Variants in DAB1 observed in about 807,000 individuals in gnomAD.
DAB1 encodes disabled homolog 1.
In DAB1, 15 loss-of-function variants were observed where a neutral mutation model predicts 64.6. The ratio of observed to expected loss-of-function variants is 0.23; its 90% CI spans 0.16 to 0.36. DAB1 has a LOEUF of 0.36. DAB1 is among the 10% of genes least tolerant of loss of function. The pLI is 1.00. For synonymous variants in DAB1, 235 were observed against 251.9 expected (o/e 0.93, Z 0.64); for missense variants, 596 against 706.7 (o/e 0.84, Z 1.78).
chr1:58,367,445 T>G (rs1644227206), intron 3 of DAB1, among the ~76,000 whole-genome samples: 1 of 152,190 alleles, frequency 6.6e-6, no homozygotes, highest in Non-Finnish European at 1.5e-5. Flanking sequence ...TGTATCTATA[T>G]GACAGAGGAG....
At chr1:57,446,269 T>C (rs1383935156) in intron 7 of DAB1, among the ~76,000 whole-genome samples, 6 of 152,238 alleles carry the variant, frequency 3.9e-5, no homozygotes, top group African/African-American at 1.4e-4. Flanking sequence ...TGATGATTGC[T>C]AGAATTTGGC....
chr1:57,777,675 T>G (rs924575484), intron 6 of DAB1, among the ~76,000 whole-genome samples: 1 of 152,082 alleles, frequency 6.6e-6, no homozygotes, highest in African/African-American at 2.4e-5. Flanking sequence ...TCAGTTTCCT[T>G]TAAGTCTATG....
intron 5 of DAB1, among the ~76,000 whole-genome samples, chr1:58,141,015 C>T (rs2100714644): frequency 6.6e-6 from 1 of 152,198 alleles, no homozygotes; most frequent in Middle Eastern, 3.4e-3. Flanking sequence ...GCAGGCTATA[C>T]AGGAAGCATG....
intron 4 of DAB1, among the ~76,000 whole-genome samples, chr1:58,220,425 C>G (rs959041323): frequency 1.3e-5 from 2 of 152,098 alleles, no homozygotes; most frequent in Non-Finnish European, 2.9e-5. Flanking sequence ...TTTACATTTT[C>G]TTCTAGCCAC....
In DAB1 at chr1:58,394,721, A is replaced by G. The variant is rs528844545; in HGVS notation, n.258-51318T>C. Reference sequence around the variant, plus strand: ...AAGCTATCACAGCTAAAATTGGATCAATGATTGCCCGGGGCTGGCAATGGT... The same window carrying G: ...AAGCTATCACAGCTAAAATTGGATCGATGATTGCCCGGGGCTGGCAATGGT... On this transcript the variant is annotated intron_variant and non_coding_transcript_variant, in intron 3 of 20. Coordinates refer to the DAB1 transcript ENST00000485760. 6.6e-5 allele frequency among the ~76,000 whole-genome samples: 10 copies of G among 152,330 alleles called. No individual in the cohort carries two copies. The South Asian group carries it at 2.1e-3, about 32-fold the overall frequency.
At chr1:57,951,057 G>A (rs947517420) in intron 5 of DAB1, among the ~76,000 whole-genome samples, 1 of 152,128 alleles carries the variant, frequency 6.6e-6, no homozygotes, top group Non-Finnish European at 1.5e-5. Context: ...GATCAGGAGA[G>A]TGAATGCAGT....
intron 1 of DAB1, among the ~76,000 whole-genome samples, chr1:57,378,808 G>C (rs1681119733): frequency 6.6e-6 from 1 of 152,086 alleles, no homozygotes. Flanking sequence ...CTTGGAGGGG[G>C]GTTAAGAACA....
At chr1:58,162,466 C>A (rs984192688) in intron 4 of DAB1, among the ~76,000 whole-genome samples, 1 of 151,928 alleles carries the variant, frequency 6.6e-6, no homozygotes, top group African/African-American at 2.4e-5. Context: ...TGTGCACATA[C>A]AGAAAATTCA....
At chr1:57,433,026 G>C (rs935635215) in intron 7 of DAB1, among the ~76,000 whole-genome samples, 3 of 152,094 alleles carry the variant, frequency 2.0e-5, no homozygotes, top group African/African-American at 7.2e-5. Flanking sequence ...CAAGCTTTCT[G>C]CACCAAAATT....
intron 4 of DAB1, among the ~76,000 whole-genome samples, chr1:58,342,080 A>G (rs1180157547): frequency 6.6e-6 from 1 of 152,212 alleles, no homozygotes; most frequent in Non-Finnish European, 1.5e-5. Flanking sequence ...AAAGCTGTGC[A>G]TGATCTGCAA....
rs559358457 is a variant in DAB1, at chr1:57,062,441, T to G, written c.723+443A>C. Among the ~76,000 whole-genome samples, 38 of 152,278 alleles carry G rather than the reference T, an allele frequency of 2.5e-4. No individual in the cohort carries two copies. The Middle Eastern group carries it at 0.014, about 55-fold the overall frequency. ...TGAGCAGGTCACTGAGCTCTGAGCTTCACTACTATCAGCTCTGCCTCTTAC... is the reference window on the plus strand; with the variant it reads ...TGAGCAGGTCACTGAGCTCTGAGCTGCACTACTATCAGCTCTGCCTCTTAC... On this transcript the variant is annotated intron_variant, in intron 9 of 14. Transcript: ENST00000371236.
chr1:58,015,601 T>C (rs1272922279), intron 5 of DAB1, among the ~76,000 whole-genome samples: 3 of 152,208 alleles, frequency 2.0e-5, no homozygotes, highest in Non-Finnish European at 4.4e-5. Context: ...GTGTTGGTCA[T>C]GTTTGTGTTC....
chr1:58,428,953 G>A (rs1385489395), intron 3 of DAB1, among the ~76,000 whole-genome samples: 1 of 152,168 alleles, frequency 6.6e-6, no homozygotes, highest in Non-Finnish European at 1.5e-5. Context: ...GGGGCACAAG[G>A]GAACTTTCTG....
chr1:57,126,566 C>T (rs1385563437), intron 4 of DAB1, among the ~76,000 whole-genome samples: 1 of 152,206 alleles, frequency 6.6e-6, no homozygotes, highest in Non-Finnish European at 1.5e-5. Flanking sequence ...GAACACTGAG[C>T]TGCTAAGAGG....
chr1:58,084,881 A>G (rs1650210343), intron 5 of DAB1, among the ~76,000 whole-genome samples: 2 of 152,022 alleles, frequency 1.3e-5, no homozygotes, highest in Non-Finnish European at 2.9e-5. Context: ...GAAATGTGGA[A>G]GAAGTGATAA....
intron 4 of DAB1, among the ~76,000 whole-genome samples, chr1:58,167,742 G>C (rs545547860): frequency 6.6e-6 from 1 of 152,206 alleles, no homozygotes; most frequent in Non-Finnish European, 1.5e-5. Flanking sequence ...CCCACCAGGA[G>C]GAATAAACAA....
chr1:57,638,399 G>T (rs954772541), intron 7 of DAB1, among the ~76,000 whole-genome samples: 3 of 152,174 alleles, frequency 2.0e-5, no homozygotes, highest in Non-Finnish European at 4.4e-5. Flanking sequence ...AGTGTCAGAT[G>T]ATAAGGCTGA....
At chr1:57,425,357 G>GT (rs148622859), upstream of DAB1, among the ~76,000 whole-genome samples, 605 of 151,174 alleles carry the variant, frequency 4.0e-3, 25 homozygotes, top group East Asian at 0.069. Flanking sequence ...GTTTTGGGGT[G>GT]TTTTTTTTTC....
At chr1:58,037,301 T>A (rs1647059442) in intron 5 of DAB1, among the ~76,000 whole-genome samples, 1 of 152,124 alleles carries the variant, frequency 6.6e-6, no homozygotes, top group African/African-American at 2.4e-5. Context: ...TACTCCCTTT[T>A]TCTGATGAGG....
Sources: gnomAD v4.1 joint callset for allele counts (sites outside exome capture counted in the v4.1 genomes callset) on GRCh38, gnomAD v4.1.1 for gene constraint, MANE v1.5 for transcripts, NCBI Gene and HGNC (gene_info 2026-07-23, HGNC 2026-07-21) for gene names.